EXOC4: variants seen among roughly 807,000 people sequenced by gnomAD.
The protein encoded by EXOC4 is exocyst complex component 4, also known as SEC8-like 1.
EXOC4 carries 71 observed loss-of-function variants against 107.2 expected under a neutral mutation model. The observed-to-expected ratio is 0.66, with a 90% CI of 0.55 to 0.81. The LOEUF (loss-of-function observed/expected upper bound fraction) is 0.81, where lower values mean the gene tolerates loss of function less well. Ranked by LOEUF, EXOC4 falls within the 30% of genes least tolerant of loss-of-function variation. The pLI, the probability that EXOC4 is intolerant of heterozygous loss-of-function variation, is 0.00. For missense variants in EXOC4, 1,108 were observed against 1,189.6 expected (o/e 0.93, Z 1.01); for synonymous variants, 456 against 441.2 (o/e 1.03, Z -0.42).
chr7:134,096,658 G>A, the EXOC4 span, among the ~76,000 whole-genome samples: 1 of 152,134 alleles, frequency 6.6e-6, no homozygotes, highest in African/African-American at 2.4e-5. Context: ...AAGTCCAAGA[G>A]TCCAAAAGCT....
chr7:133,929,885 G>T (rs577591086), intron 13 of EXOC4, among the ~76,000 whole-genome samples: 1 of 152,164 alleles, frequency 6.6e-6, no homozygotes, highest in East Asian at 1.9e-4. Context: ...CAAGAGAAGA[G>T]AAACCTTACC....
intron 7 of EXOC4, among the ~76,000 whole-genome samples, chr7:133,400,061 T>C (rs2150729921): frequency 6.6e-6 from 1 of 152,334 alleles, no homozygotes; most frequent in Admixed American, 6.5e-5. Flanking sequence ...ATTTTGAATT[T>C]ATGCTCAAGA....
chr7:133,630,414 C>T (rs995456839), intron 10 of EXOC4, among the ~76,000 whole-genome samples: 1 of 152,076 alleles, frequency 6.6e-6, no homozygotes, highest in Non-Finnish European at 1.5e-5. Context: ...CCTTCCCTCC[C>T]TCCCTCTCTC....
At chr7:134,081,627 A>G in the EXOC4 span, among the ~76,000 whole-genome samples, 1 of 152,224 alleles carries the variant, frequency 6.6e-6, no homozygotes, top group Non-Finnish European at 1.5e-5. Flanking sequence ...TAGGTGAAAG[A>G]TGACAGAATT....
chr7:133,954,071 A>AT (rs1221310261), intron 14 of EXOC4, among the ~76,000 whole-genome samples: 2 of 152,194 alleles, frequency 1.3e-5, no homozygotes, highest in Non-Finnish European at 2.9e-5. Context: ...AAGTAGATTT[A>AT]TGGATTACAT....
At chr7:133,687,525 C>G (rs749703494) in intron 10 of EXOC4, among the ~76,000 whole-genome samples, 14 of 152,094 alleles carry the variant, frequency 9.2e-5, no homozygotes. Flanking sequence ...CTTGCCCATC[C>G]CTAGTTCCCG....
chr7:133,480,032 C>T lies in EXOC4; in HGVS notation c.1329-18C>T. ...TGGTTTACACCTGCTTGTCTGTTTC[C>T]CCTGTGTTTCTCTGCAGGTTCGAAT... On this transcript the variant is annotated intron_variant, in intron 8 of 17. Transcript: ENST00000253861. 1 of 1,608,852 alleles carries T rather than the reference C, an allele frequency of 6.2e-7. No homozygotes were observed. Among genetic ancestry groups the T allele is most frequent in the Non-Finnish European group, 8.5e-7 (1 of 1,175,272 alleles).
chr7:133,714,693 G>A (rs1219862246), intron 10 of EXOC4, among the ~76,000 whole-genome samples: 2 of 152,132 alleles, frequency 1.3e-5, no homozygotes, highest in Non-Finnish European at 2.9e-5. Flanking sequence ...GTAACCTAGC[G>A]ATGATTTAAA....
At chr7:133,860,765 C>T (rs929779426) in intron 11 of EXOC4, among the ~76,000 whole-genome samples, 7 of 152,122 alleles carry the variant, frequency 4.6e-5, no homozygotes, top group Admixed American at 3.9e-4. Context: ...AATAATATTA[C>T]CCTTTGCAAA....
intron 7 of EXOC4, among the ~76,000 whole-genome samples, chr7:133,453,966 A>G (rs1273775330): frequency 5.3e-5 from 8 of 152,188 alleles, no homozygotes; most frequent in African/African-American, 9.6e-5. Context: ...GTAAGACACA[A>G]TATTGTTCTT....
chr7:133,274,748 C>T (rs1793949025), intron 1 of EXOC4, among the ~76,000 whole-genome samples: 1 of 152,148 alleles, frequency 6.6e-6, no homozygotes. Flanking sequence ...AGTTCTAATG[C>T]CAATGACAGA....
Position 133,442,294 on chromosome 7 carries a change from G to T in EXOC4, c.1183-33034G>T, listed in dbSNP as rs535376986. Reference sequence around the variant, plus strand: ...GCGTGAAGTGAGGGGAACAGAATAAGGACAATGAGAATAGAAAGAGGTGGT... The same window carrying T: ...GCGTGAAGTGAGGGGAACAGAATAATGACAATGAGAATAGAAAGAGGTGGT... On this transcript the variant is annotated intron_variant, in intron 7 of 17. Transcript: ENST00000253861. Among the ~76,000 whole-genome samples, 266 of 152,216 alleles carry T rather than the reference G, an allele frequency of 1.7e-3. 1 individual carries two copies. Among genetic ancestry groups the T allele is most frequent in the African/African-American group, 6.0e-3 (249 of 41,526 alleles).
intron 9 of EXOC4, among the ~76,000 whole-genome samples, chr7:133,525,878 G>T (rs973812358): frequency 6.6e-6 from 1 of 152,156 alleles, no homozygotes; most frequent in African/African-American, 2.4e-5. Flanking sequence ...AAAGATACGT[G>T]TTTTCCCCCT....
intron 12 of EXOC4, among the ~76,000 whole-genome samples, chr7:133,897,117 A>G (rs781670138): frequency 1.3e-5 from 2 of 151,468 alleles, no homozygotes; most frequent in Non-Finnish European, 2.9e-5. Flanking sequence ...TAGATGTTGG[A>G]TAGCAGATAT....
chr7:133,969,378 C>G (rs1801147416), intron 14 of EXOC4, among the ~76,000 whole-genome samples: 1 of 152,140 alleles, frequency 6.6e-6, no homozygotes, highest in Non-Finnish European at 1.5e-5. Context: ...AGTTTTGTTC[C>G]CTTGCTGATG....
intron 11 of EXOC4, among the ~76,000 whole-genome samples, chr7:133,875,027 C>T (rs777573219): frequency 2.0e-5 from 3 of 152,148 alleles, no homozygotes; most frequent in African/African-American, 7.2e-5. Context: ...AGATGCTTTG[C>T]GACATGACAA....
intron 10 of EXOC4, among the ~76,000 whole-genome samples, chr7:133,762,679 T>C (rs956309779): frequency 1.3e-5 from 2 of 152,138 alleles, no homozygotes; most frequent in African/African-American, 4.8e-5. Flanking sequence ...GCTGTATCCA[T>C]ATTACGTAGT....
chr7:133,639,609 G>A (rs1802802391), intron 10 of EXOC4, among the ~76,000 whole-genome samples: 1 of 152,148 alleles, frequency 6.6e-6, no homozygotes, highest in Non-Finnish European at 1.5e-5. Context: ...GAAAGGAGAA[G>A]AAGGTGGAAG....
intron 10 of EXOC4, among the ~76,000 whole-genome samples, chr7:133,755,223 T>TATATATATATAATATATATA (rs1378514507): frequency 8.7e-6 from 1 of 114,946 alleles, no homozygotes; most frequent in Non-Finnish European, 1.7e-5. Flanking sequence ...TGTGTGTGTG[T>TATATATATATAATATATATA]ATATATATAT....
Sources: gnomAD v4.1 joint callset for allele counts (sites outside exome capture counted in the v4.1 genomes callset) on GRCh38, gnomAD v4.1.1 for gene constraint, MANE v1.5 for transcripts, NCBI Gene and HGNC (gene_info 2026-07-23, HGNC 2026-07-21) for gene names.